Variants in SERGEF observed in about 807,000 individuals in gnomAD.
SERGEF encodes the protein secretion-regulating guanine nucleotide exchange factor.
Under a neutral mutation model 50.0 loss-of-function variants are expected in SERGEF, and 51 were observed. That is an observed-to-expected ratio of 1.02 (90% CI 0.81 to 1.29). The LOEUF is 1.29. Among genes scored for constraint, SERGEF ranks in the 50% most tolerant of loss-of-function variants. The pLI is 0.00. For missense variants in SERGEF, 521 were observed against 557.0 expected, an observed-to-expected ratio of 0.94 and a Z score of 0.65; for synonymous variants, 205 against 212.4, an observed-to-expected ratio of 0.97 and a Z score of 0.30.
intron 9 of SERGEF, among the ~76,000 whole-genome samples, chr11:17,951,058 G>C (rs1050693543): frequency 6.6e-6 from 1 of 152,154 alleles, no homozygotes; most frequent in African/African-American, 2.4e-5. Context: ...GGATTATCAA[G>C]CATCTAGGCT....
At chr11:17,825,382 G>T (rs570626096) in intron 10 of SERGEF, among the ~76,000 whole-genome samples, 1 of 152,284 alleles carries the variant, frequency 6.6e-6, no homozygotes, top group East Asian at 1.9e-4. Context: ...GAGCATCCAG[G>T]TTGGCTTTAG....
chr11:17,958,765 C>A (rs1852929320), intron 9 of SERGEF, among the ~76,000 whole-genome samples: 1 of 152,184 alleles, frequency 6.6e-6, no homozygotes, highest in Non-Finnish European at 1.5e-5. Flanking sequence ...AGCTGTTGTG[C>A]ACACTTAAAA....
At chr11:17,825,767 AG>A (rs1451605612) in intron 10 of SERGEF, among the ~76,000 whole-genome samples, 10 of 152,218 alleles carry the variant, frequency 6.6e-5, no homozygotes, top group African/African-American at 2.4e-4. Context: ...CTTGGACATT[AG>A]GTGTATGATT....
chr11:17,955,331 G>A lies in SERGEF; in HGVS notation c.1011+4139C>T, dbSNP rs115944930. 5.7e-3 allele frequency among the ~76,000 whole-genome samples: 866 copies of A among 152,304 alleles called. 9 individuals are homozygous for A. Among genetic ancestry groups the A allele is most frequent in the African/African-American group, 0.02 (819 of 41,552 alleles). On this transcript the variant is annotated intron_variant, in intron 9 of 10. Transcript: ENST00000265965. ...TACCTGGAAGTTCTTTGAGGGCAAAGACTGTGTATTTTTCATCCTTGTATC... is the reference window on the plus strand; with the variant it reads ...TACCTGGAAGTTCTTTGAGGGCAAAAACTGTGTATTTTTCATCCTTGTATC...
intron 10 of SERGEF, among the ~76,000 whole-genome samples, chr11:17,844,421 T>G (rs1292636034): frequency 6.6e-6 from 1 of 152,120 alleles, no homozygotes; most frequent in East Asian, 1.9e-4. Context: ...GATATAGGTT[T>G]TCATAATTAA....
At chr11:17,915,529 C>T (rs939722742) in intron 9 of SERGEF, among the ~76,000 whole-genome samples, 8 of 152,146 alleles carry the variant, frequency 5.3e-5, no homozygotes, top group Admixed American at 5.2e-4. Context: ...ACACTTTTTC[C>T]ATTAGCAAGA....
At chr11:17,830,602 GAGAGAGAGA>G (rs1850280154) in intron 10 of SERGEF, among the ~76,000 whole-genome samples, 1 of 37,578 alleles carries the variant, frequency 2.7e-5, no homozygotes, top group African/African-American at 1.0e-4. Context: ...GAGAGAGGTG[GAGAGAGAGA>G]GAGAGAGAGA....
intron 9 of SERGEF, among the ~76,000 whole-genome samples, chr11:17,887,899 C>A (rs1183125405): frequency 6.6e-6 from 1 of 152,220 alleles, no homozygotes; most frequent in Non-Finnish European, 1.5e-5. Context: ...CTGTTAGGAA[C>A]CAGGCCACAC....
chr11:17,902,449 A>T (rs111968000), intron 9 of SERGEF, among the ~76,000 whole-genome samples: 1 of 145,366 alleles, frequency 6.9e-6, no homozygotes, highest in Non-Finnish European at 1.6e-5. Context: ...AAGCATGTTC[A>T]AGAGAAAAAA....
intron 10 of SERGEF, among the ~76,000 whole-genome samples, chr11:17,845,967 G>C (rs1193563395): frequency 2.0e-5 from 3 of 152,166 alleles, no homozygotes; most frequent in African/African-American, 7.2e-5. Flanking sequence ...CTTGTTGAGT[G>C]AATGAATGAA....
chr11:17,976,503 T>C (rs980153322), intron 8 of SERGEF, among the ~76,000 whole-genome samples: 1 of 149,094 alleles, frequency 6.7e-6, no homozygotes, highest in African/African-American at 2.5e-5. Flanking sequence ...GATTTCACCA[T>C]ATTGGCCAGG....
intron 5 of SERGEF, 60 bp from the exon 6 acceptor site, chr11:17,995,969 C>A: frequency 8.7e-7 from 1 of 1,153,642 alleles, no homozygotes; most frequent in East Asian, 2.5e-5. Context: ...GACTAGATTG[C>A]TCTTTGAACC....
intron 10 of SERGEF, among the ~76,000 whole-genome samples, chr11:17,801,082 C>T (rs1057353291): frequency 6.6e-6 from 1 of 151,630 alleles, no homozygotes; most frequent in African/African-American, 2.4e-5. Context: ...GTAGTCCCAG[C>T]TACTCGGGAG....
chr11:17,860,197 G>A (rs1850901914), intron 10 of SERGEF, among the ~76,000 whole-genome samples: 1 of 152,062 alleles, frequency 6.6e-6, no homozygotes, highest in Admixed American at 6.6e-5. Context: ...GAGGCATTTG[G>A]GAACAATTAG....
At chr11:17,932,601 G>A (rs774733437) in intron 9 of SERGEF, among the ~76,000 whole-genome samples, 4 of 152,144 alleles carry the variant, frequency 2.6e-5, no homozygotes, top group African/African-American at 4.8e-5. Context: ...GAGGAGAAAG[G>A]AGCCATAGAA....
intron 9 of SERGEF, among the ~76,000 whole-genome samples, chr11:17,948,858 T>A (rs1396534194): frequency 6.6e-6 from 1 of 152,186 alleles, no homozygotes; most frequent in Non-Finnish European, 1.5e-5. Flanking sequence ...TCTGATTCCT[T>A]CCATTTCTGC....
intron 10 of SERGEF, among the ~76,000 whole-genome samples, chr11:17,840,398 G>C (rs1850478623): frequency 6.6e-6 from 1 of 152,118 alleles, no homozygotes; most frequent in African/African-American, 2.4e-5. Context: ...TGCCAGGGCT[G>C]GATGAGTCAC....
intron 9 of SERGEF, among the ~76,000 whole-genome samples, chr11:17,900,287 C>T (rs1249644115): frequency 6.6e-6 from 1 of 152,170 alleles, no homozygotes; most frequent in Non-Finnish European, 1.5e-5. Flanking sequence ...ACATAGTTGC[C>T]ATTTCGCTAG....
At chr11:17,936,387 C>T (rs921076010) in intron 9 of SERGEF, among the ~76,000 whole-genome samples, 1 of 152,072 alleles carries the variant, frequency 6.6e-6, no homozygotes, top group African/African-American at 2.4e-5. Context: ...TATCAAAGCC[C>T]CCTAATGTGC....
Sources: allele counts gnomAD v4.1 joint callset (sites outside exome capture counted in the v4.1 genomes callset), GRCh38; gene constraint gnomAD v4.1.1; transcripts MANE v1.5; gene names NCBI Gene and HGNC (gene_info 2026-07-23, HGNC 2026-07-21).